The following PLCL2 variants were observed in gnomAD, a reference collection of about 807,000 sequenced individuals.
PLCL2 encodes inactive phospholipase C-like protein 2.
PLCL2 carries 4 observed loss-of-function variants against 79.6 expected under a neutral mutation model. That is an observed-to-expected ratio of 0.05 (90% CI 0.02 to 0.11). The LOEUF (loss-of-function observed/expected upper bound fraction) is 0.11. Ranked by LOEUF, PLCL2 falls within the 10% of genes least tolerant of loss-of-function variation. The pLI, the probability that PLCL2 is intolerant of heterozygous loss-of-function variation, is 1.00. For missense variants in PLCL2, 895 were observed against 1,291.0 expected (o/e 0.69, Z 4.70); for synonymous variants, 484 against 457.7 (o/e 1.06, Z -0.73).
At position 17,090,564 on chromosome 3, in the gene PLCL2, T is replaced by C. The variant is rs1490581057; in HGVS notation, c.*652T>C. On this transcript the variant is annotated 3_prime_UTR_variant, in exon 6 of 6. Coordinates refer to ENST00000615277, the MANE Select transcript of PLCL2 (RefSeq NM_001144382.2). ...GTAAATAGTTTTTCATTGTATGAAG[T>C]AGTGTTCACATTAAAAAGATGTTTT... 1 of 152,480 alleles carries C rather than the reference T, an allele frequency of 6.6e-6. No homozygotes were observed. Among genetic ancestry groups the C allele is most frequent in the Non-Finnish European group, 1.5e-5 (1 of 68,058 alleles). The allele number at this position is 152,480 out of a possible 1,614,324, so 9.4% of individuals were successfully genotyped here. A position where few individuals can be genotyped will look rare whatever the true frequency, so the allele number is the denominator to read the frequency against.
At chr3:17,047,890 ACTGT>A (rs1218781164) in intron 4 of PLCL2, among the ~76,000 whole-genome samples, 2 of 151,946 alleles carry the variant, frequency 1.3e-5, no homozygotes, top group African/African-American at 4.8e-5. Flanking sequence ...TGTATTTCCA[ACTGT>A]CTGTTTGTAT....
intron 1 of PLCL2, among the ~76,000 whole-genome samples, chr3:16,980,522 C>T (rs2063979771): frequency 7.0e-6 from 1 of 143,738 alleles, no homozygotes; most frequent in Non-Finnish European, 1.6e-5. Context: ...AGGTGCTCCC[C>T]ACATCTCAGA....
intron 1 of PLCL2, among the ~76,000 whole-genome samples, chr3:16,981,605 A>G (rs2063999773): frequency 6.6e-6 from 1 of 152,270 alleles, no homozygotes; most frequent in South Asian, 2.1e-4. Context: ...TTTCGTTTGC[A>G]GCATGGGCAA....
rs568315891 is a variant in PLCL2, at chr3:17,061,005, C to CT, written c.3095-6948dup. ...GTAAATTTTCAGTTGAAAAACTAAT[C>CT]TTTAAGTGTATCCATTTAAGATCAA... On this transcript the variant is annotated intron_variant, in intron 4 of 5. Coordinates refer to ENST00000615277, the MANE Select transcript of PLCL2 (RefSeq NM_001144382.2). Among the ~76,000 whole-genome samples, 14 of 152,258 alleles carry CT rather than the reference C, an allele frequency of 9.2e-5. No individual in the cohort carries two copies. The South Asian group carries it at 2.9e-3, about 32-fold the overall frequency.
intron 1 of PLCL2, among the ~76,000 whole-genome samples, chr3:16,952,178 G>A (rs1164372127): frequency 1.3e-5 from 2 of 151,616 alleles, no homozygotes; most frequent in African/African-American, 2.4e-5. Flanking sequence ...GGGGCCTGTC[G>A]TGGGGTGGGA....
intron 2 of PLCL2, 58 bp from the exon 3 acceptor site, chr3:17,014,650 C>T: frequency 7.8e-7 from 1 of 1,279,224 alleles, no homozygotes; most frequent in Non-Finnish European, 1.1e-6. Context: ...AATATAATAT[C>T]CATGAGAAAG....
chr3:16,902,539 C>T (rs1696646639), intron 1 of PLCL2, among the ~76,000 whole-genome samples: 1 of 152,096 alleles, frequency 6.6e-6, no homozygotes, highest in Non-Finnish European at 1.5e-5. Context: ...CTCTAAAATG[C>T]TTTGGGGCCA....
At chr3:17,077,227 C>G (rs2065117303) in intron 5 of PLCL2, among the ~76,000 whole-genome samples, 1 of 152,196 alleles carries the variant, frequency 6.6e-6, no homozygotes, top group African/African-American at 2.4e-5. Flanking sequence ...TCATTGTTTT[C>G]TGCATTCTGT....
chr3:17,005,589 C>T (rs1036561784), intron 1 of PLCL2, among the ~76,000 whole-genome samples: 9 of 152,128 alleles, frequency 5.9e-5, no homozygotes, highest in African/African-American at 2.2e-4. Context: ...ATAAACATTT[C>T]TATTTTTCCT....
At chr3:16,986,943 G>T (rs1165941420) in intron 1 of PLCL2, among the ~76,000 whole-genome samples, 1 of 151,758 alleles carries the variant, frequency 6.6e-6, no homozygotes, top group African/African-American at 2.4e-5. Flanking sequence ...CTATCTCTTT[G>T]CTTTATAAAT....
At chr3:17,083,217 G>A (rs2065181362) in intron 5 of PLCL2, among the ~76,000 whole-genome samples, 1 of 152,162 alleles carries the variant, frequency 6.6e-6, no homozygotes, top group South Asian at 2.1e-4. Flanking sequence ...TAGACAAGAT[G>A]GGGCTGTCAG....
At chr3:17,003,939 GTCTGGCAC>G (rs2125003980) in intron 1 of PLCL2, among the ~76,000 whole-genome samples, 1 of 152,224 alleles carries the variant, frequency 6.6e-6, no homozygotes, top group Non-Finnish European at 1.5e-5. Context: ...CTCTTCCTGT[GTCTGGCAC>G]TCCCGGTTAC....
At chr3:16,951,665 G>A (rs2063653600) in intron 1 of PLCL2, among the ~76,000 whole-genome samples, 2 of 152,158 alleles carry the variant, frequency 1.3e-5, no homozygotes, top group South Asian at 2.1e-4. Flanking sequence ...TTTCCTGAGT[G>A]CTACTTTTCC....
intron 4 of PLCL2, among the ~76,000 whole-genome samples, chr3:17,049,830 A>T (rs77376193): frequency 1.3e-5 from 2 of 152,204 alleles, no homozygotes; most frequent in African/African-American, 4.8e-5. Context: ...TGAAAAAAAA[A>T]ATCCTAACAT....
chr3:16,891,574 G>A (rs1696351260), intron 1 of PLCL2, among the ~76,000 whole-genome samples: 1 of 152,140 alleles, frequency 6.6e-6, no homozygotes, highest in Non-Finnish European at 1.5e-5. Context: ...CATGTAAATA[G>A]CCCCAACTAT....
At chr3:17,017,025 T>G (rs1204800226) in intron 3 of PLCL2, among the ~76,000 whole-genome samples, 1 of 152,170 alleles carries the variant, frequency 6.6e-6, no homozygotes, top group East Asian at 1.9e-4. Context: ...GAGTGTGTGA[T>G]CATAGCTGGT....
intron 5 of PLCL2, chr3:17,081,436 G>T (rs1337756148): frequency 9.4e-6 from 3 of 318,072 alleles, no homozygotes; most frequent in Non-Finnish European, 1.9e-5. Context: ...TAAGACAACT[G>T]TTTTTCTCTA....
chr3:17,063,244 G>C (rs188647684), intron 4 of PLCL2, among the ~76,000 whole-genome samples: 169 of 6,368 alleles, frequency 0.027, 1 homozygote, highest in Middle Eastern at 0.045. Context: ...CTCCCTCCCT[G>C]CCTTCCTCCC....
At chr3:17,061,981 G>T (rs1353400363) in intron 4 of PLCL2, among the ~76,000 whole-genome samples, 1 of 152,100 alleles carries the variant, frequency 6.6e-6, no homozygotes, top group African/African-American at 2.4e-5. Context: ...TTATCACAAA[G>T]AAATTGCGGC....
Sources: allele counts gnomAD v4.1 joint callset (sites outside exome capture counted in the v4.1 genomes callset), GRCh38; gene constraint gnomAD v4.1.1; transcripts MANE v1.5; gene names NCBI Gene and HGNC (gene_info 2026-07-23, HGNC 2026-07-21).